BCAT2: variants seen among roughly 807,000 people sequenced by gnomAD.
BCAT2 encodes branched-chain-amino-acid aminotransferase, mitochondrial.
BCAT2 carries 44 observed loss-of-function variants against 52.9 expected under a neutral mutation model. The ratio of observed to expected loss-of-function variants is 0.83; its 90% CI spans 0.65 to 1.07. The LOEUF is 1.07. Among genes scored for constraint, BCAT2 ranks in the 50% least tolerant of loss-of-function variants. The pLI, the probability that BCAT2 is intolerant of heterozygous loss-of-function variation, is 0.00. For synonymous variants in BCAT2, 215 were observed against 217.1 expected, an observed-to-expected ratio of 0.99 and a Z score of 0.08; for missense variants, 478 against 521.8, an observed-to-expected ratio of 0.92 and a Z score of 0.82.
Position 48,797,242 on chromosome 19 carries a change from T to C in BCAT2, c.787A>G (p.Thr263Ala), listed in dbSNP as rs1219930583. ...AAGATGTTCATGGTTCCCACCTCGG[T>C]GAGCTGGTGGTCGGGCCCATACAGC... is the stretch of plus-strand genomic sequence containing the variant. ...LWLYGPDHQL[T>A]EVGTMNIFVY... The change falls in exon 7 of 11, where the codon ACC becomes GCC. Residue 263 changes from threonine to alanine, a missense_variant. By Grantham distance (58) the Thr-to-Ala change is moderately conservative. Coordinates refer to ENST00000316273, the MANE Select transcript of BCAT2 (RefSeq NM_001190.4). The C allele has an allele frequency of 6.2e-7, 1 of 1,613,674 alleles. No individual in the cohort carries two copies. The highest frequency in any genetic ancestry group is 8.5e-7 in the Non-Finnish European group (1 of 1,179,766).
chr19:48,806,507 G>A lies in BCAT2; in HGVS notation c.300+10C>T, dbSNP rs375689643. 1.4e-5 allele frequency: 22 copies of A among 1,613,390 alleles called. 1 individual carries two copies. The highest frequency in any genetic ancestry group is 8.3e-5 in the Admixed American group (5 of 59,998). Reference sequence around the variant, plus strand: ...ACAGGGACAGGGAGAGAGGCCGGCCGCCATGCCACCTGCAGGGAGTAGTGG... The same window carrying A: ...ACAGGGACAGGGAGAGAGGCCGGCCACCATGCCACCTGCAGGGAGTAGTGG... On this transcript the variant is annotated intron_variant, in intron 3 of 10. Coordinates refer to ENST00000316273, the MANE Select transcript of BCAT2 (RefSeq NM_001190.4).
At position 48,797,296 on chromosome 19, in the gene BCAT2, G is replaced by GT. The variant is rs1284824236; in HGVS notation, c.732dup (p.Leu245ThrfsTer6). Reference sequence around the variant, plus strand: ...AGGACCTGTTCACAGCCCCGCTTGAGTGCCTCCTGTTGCACTAACACGGTG... The same window carrying GT: ...AGGACCTGTTCACAGCCCCGCTTGAGTTGCCTCCTGTTGCACTAACACGGTG... On this transcript the variant is annotated frameshift_variant, in exon 7 of 11. Transcript: ENST00000316273. LOFTEE classifies it high-confidence loss of function. 4.3e-6 allele frequency: 7 copies of GT among 1,614,040 alleles called. No homozygotes were observed. Among genetic ancestry groups the GT allele is most frequent in the Non-Finnish European group, 5.9e-6 (7 of 1,180,040 alleles).
chr19:48,798,791 A>AT (rs34719140), intron 6 of BCAT2: 38,183 of 132,642 alleles, frequency 0.29, 5,801 homozygotes, highest in African/African-American at 0.37. Flanking sequence ...AGCCCGGCTA[A>AT]TTTTTTTTTT....
At chr19:48,810,869 A>G (rs1458476149) in intron 1 of BCAT2, 115 bp downstream of exon 1, 8 of 1,533,884 alleles carry the variant, frequency 5.2e-6, no homozygotes, top group Non-Finnish European at 7.0e-6. Flanking sequence ...CCTGCAGCGG[A>G]ACCCCAGGGC....
chr19:48,808,025 C>G (rs769955414), intron 1 of BCAT2: 2 of 986,648 alleles, frequency 2.0e-6, no homozygotes, highest in Non-Finnish European at 2.4e-6. Flanking sequence ...CCTGGCCTGG[C>G]CTGCCCTGTG....
rs1179342983 is a variant in BCAT2, at chr19:48,805,651, C to T, written c.300+866G>A. ...CTCCAACTGTCCCCTCTCCCGCCAT[C>T]CCCCCTGGGCTGTCTCCTCTCCTGC... On this transcript the variant is annotated intron_variant, in intron 3 of 10. Transcript: ENST00000316273. Among the ~76,000 whole-genome samples, 5 of 148,636 alleles carry T rather than the reference C, an allele frequency of 3.4e-5. No individual in the cohort carries two copies. In the East Asian group the frequency reaches 1.0e-3, roughly 30 times the overall value.
chr19:48,805,385 C>A (rs543634820), intron 3 of BCAT2, among the ~76,000 whole-genome samples: 21 of 152,228 alleles, frequency 1.4e-4, no homozygotes, highest in African/African-American at 4.6e-4. Context: ...CCTGAGAGGG[C>A]TCTTACTATA....
At chr19:48,809,032 T>C (rs1419613757) in intron 1 of BCAT2, among the ~76,000 whole-genome samples, 1 of 119,518 alleles carries the variant, frequency 8.4e-6, no homozygotes, top group Non-Finnish European at 1.6e-5. Context: ...ACGATCACAC[T>C]GCTACACTCC....
rs1568507520 is a variant in BCAT2, at chr19:48,800,069, A to G, written c.443T>C (p.Ile148Thr). The G allele has an allele frequency of 1.2e-6, 2 of 1,614,044 alleles. No homozygotes were observed. The highest frequency in any genetic ancestry group is 1.7e-6 in the Non-Finnish European group (2 of 1,179,950). The change falls in exon 5 of 11, where the codon ATC becomes ACC. Residue 148 changes from isoleucine to threonine, a missense_variant. Physicochemically the swap from Ile to Thr is moderately conservative, Grantham distance 89. Transcript: ENST00000316273. ...SFDKLELLEC[I>T]RRLIEVDKDW... ...CTTGTCCACTTCGATGAGCCGGCGGATGCACTCCAGCAACTCCAGCTTGTC... is the reference window on the plus strand; with the variant it reads ...CTTGTCCACTTCGATGAGCCGGCGGGTGCACTCCAGCAACTCCAGCTTGTC...
chr19:48,797,254 C>T lies in BCAT2; in HGVS notation c.775G>A (p.Asp259Asn), dbSNP rs147444595. 54 of 1,613,854 alleles carry T rather than the reference C, an allele frequency of 3.3e-5. No individual in the cohort carries two copies. Among genetic ancestry groups the T allele is most frequent in the East Asian group, 2.7e-4 (12 of 44,872 alleles). Residue 259 changes from aspartate to asparagine, a missense_variant, in exon 7 of 11, where the codon GAC becomes AAC. Asp to Asn is a conservative substitution (Grantham distance 23). Coordinates refer to ENST00000316273, the MANE Select transcript of BCAT2 (RefSeq NM_001190.4). ...CEQVLWLYGPDHQLTEVGTMN... is the reference protein window; with the variant it reads ...CEQVLWLYGPNHQLTEVGTMN... ...GTTCCCACCTCGGTGAGCTGGTGGT[C>T]GGGCCCATACAGCCAGAGGACCTGT...
Position 48,795,461 on chromosome 19 carries a change from C to T in BCAT2, c.1144G>A (p.Gly382Arg). Residue 382 changes from glycine to arginine, a missense_variant, in exon 11 of 11, where the codon GGA becomes AGA. Coordinates refer to ENST00000316273, the MANE Select transcript of BCAT2 (RefSeq NM_001190.4). ...AACATCCACTCGTGGGCTCTGATTC[C>T]GTACTGCGGAACAACGGAGGCAGTG... The part of the protein sequence containing the change: ...FQKELKEIQY[G>R]IRAHEWMFPV 1.2e-6 allele frequency: 2 copies of T among 1,613,930 alleles called. No individual in the cohort carries two copies. The highest frequency in any genetic ancestry group is 1.7e-6 in the Non-Finnish European group (2 of 1,179,948).
Position 48,795,759 on chromosome 19 carries a change from T to C in BCAT2, c.1141-295A>G. ...CAGATAGTCAGAGGATGTGTAGTTC[T>C]AGGTCCTGATGCACAAAAGTTTACA... On this transcript the variant is annotated intron_variant, in intron 10 of 10. Coordinates refer to ENST00000316273, the MANE Select transcript of BCAT2 (RefSeq NM_001190.4). 6.2e-6 allele frequency: 3 copies of C among 483,142 alleles called. No individual in the cohort carries two copies. In the South Asian group the frequency reaches 8.2e-5, roughly 13 times the overall value. The allele number at this position is 483,142 out of a possible 1,614,324, so 29.9% of individuals were successfully genotyped here. A position where few individuals can be genotyped will look rare whatever the true frequency, so the allele number is the denominator to read the frequency against.
At chr19:48,796,793 G>C in intron 8 of BCAT2, 75 bp from the exon 9 acceptor site, 1 of 1,590,296 alleles carries the variant, frequency 6.3e-7, no homozygotes, top group Admixed American at 1.7e-5. Flanking sequence ...CCCTCCCTGA[G>C]GATAGTGAGA....
rs561584567 is a variant in BCAT2, at chr19:48,807,456, G to A, written c.25-382C>T. 1.6e-5 allele frequency: 3 copies of A among 192,544 alleles called. No individual in the cohort carries two copies. Among genetic ancestry groups the A allele is most frequent in the African/African-American group, 4.8e-5 (2 of 41,786 alleles). 11.9% of individuals were successfully genotyped at this position (192,544 alleles called of 1,614,324 possible). A position where few individuals can be genotyped will look rare whatever the true frequency, so the allele number is the denominator to read the frequency against. On this transcript the variant is annotated intron_variant, in intron 1 of 10. Transcript: ENST00000316273. This position sits in a 1 kb window ranked among gnomAD's most constrained non-coding sequence, Gnocchi z 4.6. ...GACAGGCCTTAGAAGACCAAGGACC[G>A]ACAGGTCCTGCTCCCCCAGAGCTCA...
At chr19:48,796,553 A>G (rs760435320) in intron 9 of BCAT2, 25 bp downstream of exon 9, 3 of 1,605,876 alleles carry the variant, frequency 1.9e-6, no homozygotes, top group Admixed American at 3.3e-5. Context: ...CTTCCCTCCC[A>G]CCCACAATGG....
In BCAT2 at chr19:48,811,023, T is replaced by G; in HGVS notation, c.-16A>C. 6.3e-7 allele frequency: 1 copy of G among 1,598,286 alleles called. No individual in the cohort carries two copies. The highest frequency in any genetic ancestry group is 1.4e-5 in the African/African-American group (1 of 73,304). Reference sequence around the variant, plus strand: ...CTGCGGCCATGATCCGTGCGGCGCGTAACTGTGCCCGCCCGGGGCGCGGCT... The same window carrying G: ...CTGCGGCCATGATCCGTGCGGCGCGGAACTGTGCCCGCCCGGGGCGCGGCT... On this transcript the variant is annotated 5_prime_UTR_variant, in exon 1 of 11. Transcript: ENST00000316273.
chr19:48,795,599 G>C, intron 10 of BCAT2, 135 bp from the exon 11 acceptor site: 1 of 987,858 alleles, frequency 1.0e-6, no homozygotes, highest in South Asian at 1.4e-5. Context: ...CTTCCCAGAG[G>C]GCCCCAACAA....
In BCAT2 at chr19:48,796,709, G is replaced by A. The variant is rs1213912704; in HGVS notation, c.934C>T (p.Arg312Trp). 7.4e-6 allele frequency: 12 copies of A among 1,611,470 alleles called. No individual in the cohort carries two copies. The highest frequency in any genetic ancestry group is 2.2e-5 in the East Asian group (1 of 44,892). Residue 312 changes from arginine (R) to tryptophan (W), a missense_variant, in exon 9 of 11, where the codon CGG becomes TGG. By Grantham distance (101) the Arg-to-Trp change is moderately radical (BLOSUM62 -3). Coordinates refer to ENST00000316273, the MANE Select transcript of BCAT2 (RefSeq NM_001190.4). ...ATGGTGATCGTGCGCTCCACCACCC[G>A]GAACTCACCCTGCAGGGCAGTTGGC... is the stretch of plus-strand genomic sequence containing the variant. ...LDMAQTWGEF[R>W]VVERTITMKQ...
chr19:48,802,688 C>A (rs2034684339), intron 3 of BCAT2, among the ~76,000 whole-genome samples: 1 of 151,750 alleles, frequency 6.6e-6, no homozygotes, highest in African/African-American at 2.4e-5. Flanking sequence ...CCTCAGGTGA[C>A]CCACCTGCCT....
Sources: allele counts gnomAD v4.1 joint callset (sites outside exome capture counted in the v4.1 genomes callset), GRCh38; gene constraint gnomAD v4.1.1; non-coding constraint Gnocchi (gnomAD v3.1); transcripts MANE v1.5; gene names NCBI Gene and HGNC (gene_info 2026-07-23, HGNC 2026-07-21).